Variants in IQCJ observed in about 807,000 individuals in gnomAD.
IQCJ encodes IQ domain-containing protein J.
IQCJ carries 9 observed loss-of-function variants against 11.0 expected under a neutral mutation model. The observed-to-expected ratio is 0.82, with a 90% CI of 0.49 to 1.43. IQCJ has a LOEUF of 1.43. Among genes scored for constraint, IQCJ ranks in the 40% most tolerant of loss-of-function variants. IQCJ has a pLI of 0.00. For synonymous variants in IQCJ, 55 were observed against 51.3 expected (o/e 1.07, Z -0.31); for missense variants, 146 against 133.2 (o/e 1.10, Z -0.47).
At chr3:159,128,317 A>G (rs142621356) in intron 1 of IQCJ, among the ~76,000 whole-genome samples, 1 of 152,328 alleles carries the variant, frequency 6.6e-6, no homozygotes, top group African/African-American at 2.4e-5. Context: ...ATGTCTATAT[A>G]TGAGCCAGAG....
intron 1 of IQCJ, among the ~76,000 whole-genome samples, chr3:159,196,781 C>T (rs568049040): frequency 1.3e-5 from 2 of 152,296 alleles, no homozygotes; most frequent in South Asian, 4.1e-4. Flanking sequence ...TGTTATGTAA[C>T]TTACCCAATG....
chr3:159,240,012 G>A (rs979386761), intron 1 of IQCJ, among the ~76,000 whole-genome samples: 15 of 152,140 alleles, frequency 9.9e-5, no homozygotes, highest in Admixed American at 4.6e-4. Flanking sequence ...TAAGCAACAC[G>A]AGACAATATA....
chr3:159,111,561 G>C (rs1370852860), intron 1 of IQCJ, among the ~76,000 whole-genome samples: 2 of 152,130 alleles, frequency 1.3e-5, no homozygotes, highest in Non-Finnish European at 2.9e-5. Context: ...TCCTGTAACT[G>C]AATACTGGGC....
At chr3:159,231,259 A>G (rs770343210) in intron 1 of IQCJ, among the ~76,000 whole-genome samples, 7 of 152,356 alleles carry the variant, frequency 4.6e-5, no homozygotes, top group Middle Eastern at 6.8e-3. Flanking sequence ...GAAAGCTTAC[A>G]TCAAATGAGG....
chr3:159,229,323 C>T (rs745716895), intron 1 of IQCJ, among the ~76,000 whole-genome samples: 1 of 151,690 alleles, frequency 6.6e-6, no homozygotes, highest in Non-Finnish European at 1.5e-5. Flanking sequence ...TATTCACTTT[C>T]AAGCTCCATT....
At chr3:159,144,641 TACACACACATACAC>T (rs1560001883) in intron 1 of IQCJ, among the ~76,000 whole-genome samples, 8 of 82,734 alleles carry the variant, frequency 9.7e-5, no homozygotes, top group African/African-American at 4.2e-4. Flanking sequence ...TATCTAGACG[TACACACACATACAC>T]ACACAGACAC....
At chr3:159,078,497 A>G (rs1301947200) in intron 1 of IQCJ, among the ~76,000 whole-genome samples, 1 of 151,790 alleles carries the variant, frequency 6.6e-6, no homozygotes, top group Non-Finnish European at 1.5e-5. Flanking sequence ...GCAAGTCAGC[A>G]TGGAGCTGAA....
intron 1 of IQCJ, among the ~76,000 whole-genome samples, chr3:159,080,616 G>C (rs1009167274): frequency 5.3e-5 from 8 of 152,132 alleles, no homozygotes; most frequent in Admixed American, 3.9e-4. Flanking sequence ...CATTTATTTG[G>C]GTTGCTATTT....
chr3:159,071,202 A>C (rs1027005564), intron 1 of IQCJ, among the ~76,000 whole-genome samples: 3 of 152,036 alleles, frequency 2.0e-5, no homozygotes, highest in African/African-American at 7.2e-5. Context: ...TTTATAATTA[A>C]AGTATAATAG....
At chr3:159,069,691 T>C in intron 1 of IQCJ, 2 of 595,786 alleles carry the variant, frequency 3.4e-6, no homozygotes, top group Non-Finnish European at 6.0e-6. Flanking sequence ...ACTAAAGGAA[T>C]CTCATTGAAA....
intron 1 of IQCJ, among the ~76,000 whole-genome samples, chr3:159,158,009 AT>A (rs563246086): frequency 1.5e-3 from 229 of 152,232 alleles, no homozygotes; most frequent in African/African-American, 5.3e-3. Context: ...AACAATGAAT[AT>A]TTTTTGTGCA....
chr3:159,086,482 CA>C (rs1214598481), intron 1 of IQCJ, among the ~76,000 whole-genome samples: 1 of 152,172 alleles, frequency 6.6e-6, no homozygotes, highest in Non-Finnish European at 1.5e-5. Context: ...ATGGGGATGG[CA>C]TTGAATGTGT....
At chr3:159,145,035 A>G (rs1720845448) in intron 1 of IQCJ, among the ~76,000 whole-genome samples, 1 of 152,172 alleles carries the variant, frequency 6.6e-6, no homozygotes, top group South Asian at 2.1e-4. Flanking sequence ...GCTTGAAGCA[A>G]TGAGATCACC....
chr3:159,180,058 T>C (rs1723008053), intron 1 of IQCJ, among the ~76,000 whole-genome samples: 1 of 152,190 alleles, frequency 6.6e-6, no homozygotes, highest in African/African-American at 2.4e-5. Context: ...TAGAAGGCGC[T>C]AGGGCAGAAG....
chr3:159,142,394 ATGG>A (rs1196738617), intron 1 of IQCJ, among the ~76,000 whole-genome samples: 2 of 148,462 alleles, frequency 1.3e-5, no homozygotes, highest in African/African-American at 5.0e-5. Flanking sequence ...GATATCCATG[ATGG>A]TAAGTGCACT....
chr3:159,215,279 C>G (rs536302568), intron 1 of IQCJ, among the ~76,000 whole-genome samples: 2 of 152,168 alleles, frequency 1.3e-5, no homozygotes, highest in Non-Finnish European at 2.9e-5. Context: ...TCAGATTCCT[C>G]TTTTCCTCTT....
At chr3:159,131,664 G>A (rs1409405813) in intron 1 of IQCJ, among the ~76,000 whole-genome samples, 1 of 152,080 alleles carries the variant, frequency 6.6e-6, no homozygotes, top group African/African-American at 2.4e-5. Context: ...TCCCTTACTA[G>A]TTCACTTTTT....
chr3:159,172,293 C>T (rs993838197), intron 1 of IQCJ, among the ~76,000 whole-genome samples: 1 of 152,036 alleles, frequency 6.6e-6, no homozygotes, highest in Non-Finnish European at 1.5e-5. Flanking sequence ...CATGGAAAAG[C>T]ATTTCTGATT....
rs367862873 is a variant in IQCJ at position 159,108,006 on chromosome 3, CAAAAAA to C, written c.9+38579_9+38584del. ...TGTGCATGTTGCACCTATGGTTTTC[CAAAAAA>C]AAAAAAAAAAAAAGAAAAAAAATTC... On this transcript the variant is annotated intron_variant, in intron 1 of 3. Transcript: ENST00000397832. Among the ~76,000 whole-genome samples the C allele has an allele frequency of 2.2e-4, 22 of 100,916 alleles. No homozygotes were observed. In the East Asian group the frequency reaches 2.2e-3, roughly 10 times the overall value. The allele number at this position is 100,916 out of a possible 152,430, so 66.2% of individuals were successfully genotyped here.
Sources: gnomAD v4.1 joint callset for allele counts (sites outside exome capture counted in the v4.1 genomes callset) on GRCh38, gnomAD v4.1.1 for gene constraint, MANE v1.5 for transcripts, NCBI Gene and HGNC (gene_info 2026-07-23, HGNC 2026-07-21) for gene names.